Variants in SLC25A13 observed in about 807,000 individuals in gnomAD.
SLC25A13 encodes the protein electrogenic aspartate/glutamate antiporter SLC25A13, mitochondrial.
Under a neutral mutation model 85.5 loss-of-function variants are expected in SLC25A13, and 70 were observed. That is an observed-to-expected ratio of 0.82 (90% CI 0.68 to 1.00). The LOEUF is 1.00. Ranked by LOEUF, SLC25A13 falls within the 50% of genes least tolerant of loss-of-function variation. SLC25A13 has a pLI of 0.00. For synonymous variants in SLC25A13, 259 were observed against 288.7 expected, an observed-to-expected ratio of 0.90 and a Z score of 1.04; for missense variants, 765 against 819.8, an observed-to-expected ratio of 0.93 and a Z score of 0.82.
At chr7:96,207,551 C>A (rs548392040) in intron 5 of SLC25A13, among the ~76,000 whole-genome samples, 1 of 152,138 alleles carries the variant, frequency 6.6e-6, no homozygotes, top group East Asian at 1.9e-4. Flanking sequence ...CCAAATGAGT[C>A]CCCTTACATG....
intron 14 of SLC25A13, among the ~76,000 whole-genome samples, chr7:96,132,357 A>T (rs17705860): frequency 0.02 from 3,103 of 152,334 alleles, 58 homozygotes; most frequent in Non-Finnish European, 0.031. Context: ...TTTCCCAGAA[A>T]GAAATTACAC....
intron 11 of SLC25A13, 65 bp downstream of exon 11, chr7:96,184,212 T>C: frequency 5.1e-6 from 8 of 1,584,082 alleles, no homozygotes; most frequent in Middle Eastern, 3.3e-4. Context: ...TGTCAGGCAC[T>C]AAGATGAGAA....
chr7:96,245,984 A>G (rs1316390984), intron 3 of SLC25A13, among the ~76,000 whole-genome samples: 1 of 152,250 alleles, frequency 6.6e-6, no homozygotes, highest in Non-Finnish European at 1.5e-5. Context: ...CACAAATAAG[A>G]AATCAGTAAC....
intron 3 of SLC25A13, among the ~76,000 whole-genome samples, chr7:96,244,048 A>C (rs1383844322): frequency 6.6e-6 from 1 of 152,220 alleles, no homozygotes; most frequent in Non-Finnish European, 1.5e-5. Context: ...ACAGTAGGCT[A>C]AACCTGGGTC....
chr7:96,138,569 A>C (rs1009625206), intron 14 of SLC25A13, among the ~76,000 whole-genome samples: 3 of 151,772 alleles, frequency 2.0e-5, no homozygotes, highest in African/African-American at 7.3e-5. Flanking sequence ...CTAATTAAAA[A>C]AATATTTTTG....
intron 1 of SLC25A13, among the ~76,000 whole-genome samples, chr7:96,321,709 G>C (rs1023051769): frequency 6.6e-6 from 1 of 152,100 alleles, no homozygotes; most frequent in Non-Finnish European, 1.5e-5. Context: ...AAGTGGGAGT[G>C]TCCGGCCCAC....
chr7:96,168,474 T>C (rs1211495475), intron 13 of SLC25A13, among the ~76,000 whole-genome samples: 6 of 152,214 alleles, frequency 3.9e-5, no homozygotes, highest in Non-Finnish European at 7.3e-5. Context: ...CTGATGCCAA[T>C]GTGCTTTGTG....
intron 15 of SLC25A13, among the ~76,000 whole-genome samples, chr7:96,127,752 A>G (rs1031623798): frequency 6.6e-6 from 1 of 152,236 alleles, no homozygotes; most frequent in Admixed American, 6.5e-5. Context: ...TTTTTGTTTT[A>G]TAAGTTAGAG....
rs970739251 is a variant in SLC25A13 at position 96,322,047 on chromosome 7, G to A, written c.-91C>T. The stretch of plus-strand genomic sequence containing the variant: ...CGGCTCACTTCTAGTCCCGGCGGCG[G>A]CGGCGGTGGGGGCGGCGATACGGCC... On this transcript the variant is annotated 5_prime_UTR_variant, in exon 1 of 18. Coordinates refer to ENST00000265631, the MANE Select transcript of SLC25A13 (RefSeq NM_014251.3). 17 of 1,494,786 alleles carry A rather than the reference G, an allele frequency of 1.1e-5. No homozygotes were observed. In the African/African-American group the frequency reaches 2.3e-4, roughly 20 times the overall value. The allele number at this position is 1,494,786 out of a possible 1,614,324, so 92.6% of individuals were successfully genotyped here.
chr7:96,288,421 G>T (rs1409388867), intron 2 of SLC25A13, among the ~76,000 whole-genome samples: 1 of 152,190 alleles, frequency 6.6e-6, no homozygotes. Flanking sequence ...GGACAGTGGG[G>T]GCAGGACAGT....
At chr7:96,290,866 T>C (rs1490456617) in intron 2 of SLC25A13, among the ~76,000 whole-genome samples, 1 of 152,108 alleles carries the variant, frequency 6.6e-6, no homozygotes, top group African/African-American at 2.4e-5. Context: ...ATTAGACAGA[T>C]CAACGAGACA....
intron 15 of SLC25A13, among the ~76,000 whole-genome samples, chr7:96,128,890 A>C (rs923477517): frequency 7.1e-6 from 1 of 141,398 alleles, no homozygotes; most frequent in African/African-American, 2.7e-5. Context: ...CTGCTTCTCT[A>C]TCATCTTGAG....
rs911730645 is a variant in SLC25A13, at chr7:96,120,313, T to C, written c.*878A>G. ...TGAATTAAATACTTATGTCAGAACA[T>C]ATTTGTCTTACATTATTCAAGATAA... On this transcript the variant is annotated 3_prime_UTR_variant, in exon 18 of 18. Coordinates refer to ENST00000265631, the MANE Select transcript of SLC25A13 (RefSeq NM_014251.3). 4 of 453,992 alleles carry C rather than the reference T, an allele frequency of 8.8e-6. No homozygotes were observed. The highest frequency in any genetic ancestry group is 6.9e-5 in the East Asian group (1 of 14,410). The allele number at this position is 453,992 out of a possible 1,614,324, so 28.1% of individuals were successfully genotyped here. A position where few individuals can be genotyped will look rare whatever the true frequency, so the allele number is the denominator to read the frequency against.
intron 12 of SLC25A13, among the ~76,000 whole-genome samples, chr7:96,171,251 G>A (rs1176622630): frequency 2.0e-5 from 3 of 152,198 alleles, no homozygotes; most frequent in East Asian, 3.9e-4. Context: ...TGACAACAAT[G>A]ATGGCAGCAA....
intron 1 of SLC25A13, among the ~76,000 whole-genome samples, chr7:96,302,402 G>A (rs1799580628): frequency 6.6e-6 from 1 of 152,104 alleles, no homozygotes; most frequent in South Asian, 2.1e-4. Flanking sequence ...ACAGTTGCAG[G>A]CTCATTACTT....
At chr7:96,223,089 A>G (rs75538682) in intron 4 of SLC25A13, among the ~76,000 whole-genome samples, 3 of 147,170 alleles carry the variant, frequency 2.0e-5, no homozygotes, top group South Asian at 2.1e-4. Flanking sequence ...TTTCCCCAGG[A>G]AAAAAAAAAA....
At chr7:96,273,936 ATGAACTAGTG>A (rs1469460344) in intron 3 of SLC25A13, among the ~76,000 whole-genome samples, 3 of 152,214 alleles carry the variant, frequency 2.0e-5, no homozygotes, top group African/African-American at 7.2e-5. Context: ...TTCAGCTTAA[ATGAACTAGTG>A]TGAAATATAG....
At chr7:96,295,794 A>G (rs936965032) in intron 2 of SLC25A13, among the ~76,000 whole-genome samples, 1 of 151,868 alleles carries the variant, frequency 6.6e-6, no homozygotes, top group African/African-American at 2.4e-5. Context: ...CATACAACTC[A>G]GCTGCCTTTT....
intron 3 of SLC25A13, among the ~76,000 whole-genome samples, chr7:96,242,731 C>A (rs770804057): frequency 6.6e-6 from 1 of 152,220 alleles, no homozygotes; most frequent in African/African-American, 2.4e-5. Context: ...ATGTTTAACT[C>A]TACCTATAAC....
Sources: allele counts gnomAD v4.1 joint callset (sites outside exome capture counted in the v4.1 genomes callset), GRCh38; gene constraint gnomAD v4.1.1; transcripts MANE v1.5; gene names NCBI Gene and HGNC (gene_info 2026-07-23, HGNC 2026-07-21).